PLEKHG4B: variants seen among roughly 807,000 people sequenced by gnomAD.
PLEKHG4B encodes pleckstrin homology and RhoGEF domain containing G4B.
PLEKHG4B carries 111 observed loss-of-function variants against 121.3 expected under a neutral mutation model. The ratio of observed to expected loss-of-function variants is 0.92; its 90% confidence interval spans 0.78 to 1.07. The LOEUF (loss-of-function observed/expected upper bound fraction) is 1.07. Ranked by LOEUF, PLEKHG4B falls within the 50% of genes least tolerant of loss-of-function variation. The pLI is 0.00. For missense variants in PLEKHG4B, 1,831 were observed against 1,757.8 expected (o/e 1.04, Z -0.74); for synonymous variants, 738 against 725.0 (o/e 1.02, Z -0.29).
rs1012036085 is a variant in PLEKHG4B, at chr5:113,967, C to T, written c.243+519C>T. Among the ~76,000 whole-genome samples the T allele has an allele frequency of 2.0e-5, 3 of 152,190 alleles. No homozygotes were observed. The highest frequency in any genetic ancestry group is 7.2e-5 in the African/African-American group (3 of 41,440). The stretch of plus-strand genomic sequence containing the variant: ...AAGTAAGGCAGATACCACGCTAATG[C>T]CAGACACACAAAGTTTTTGGTTTCC... On this transcript the variant is annotated intron_variant, in intron 2 of 19. Coordinates refer to ENST00000637938, the MANE Select transcript of PLEKHG4B (RefSeq NM_052909.5). The surrounding 1 kb of genome is among the most constrained non-coding windows in gnomAD (Gnocchi z 5.2).
At chr5:165,150 TCA>T (rs757531109) in intron 13 of PLEKHG4B, among the ~76,000 whole-genome samples, 1 of 79,784 alleles carries the variant, frequency 1.3e-5, no homozygotes. Flanking sequence ...GGGGCGGAGC[TCA>T]CACTAATGCT....
chr5:181,692 C>T lies in PLEKHG4B; in HGVS notation c.4564+17C>T. 1 of 1,606,734 alleles carries T rather than the reference C, an allele frequency of 6.2e-7. No individual in the cohort carries two copies. Among genetic ancestry groups the T allele is most frequent in the Non-Finnish European group, 8.5e-7 (1 of 1,176,320 alleles). ...AGGGCACAGGTACGGTGGCTCGGTC[C>T]CGCCCTCACTCACCCTGCAGAGGGC... On this transcript the variant is annotated intron_variant, in intron 19 of 19. Transcript: ENST00000637938.
intron 6 of PLEKHG4B, among the ~76,000 whole-genome samples, chr5:148,668 C>T (rs1735507888): frequency 6.6e-6 from 1 of 152,142 alleles, no homozygotes; most frequent in Non-Finnish European, 1.5e-5. Context: ...TGTATAGATT[C>T]AGTGCAATCC....
In PLEKHG4B at chr5:137,977, G is replaced by A. The variant is rs530429392; in HGVS notation, c.244-1506G>A. On this transcript the variant is annotated intron_variant, in intron 2 of 19. Transcript: ENST00000637938. The surrounding 1 kb of genome is among the most constrained non-coding windows in gnomAD (Gnocchi z 4.2). ...GGTGTCAAGGAGCCGCTTCTTGAAC[G>A]GCTTGCTCACCGGTGTGAGGAACAC... Among the ~76,000 whole-genome samples, 1 of 152,346 alleles carries A rather than the reference G, an allele frequency of 6.6e-6. No individual in the cohort carries two copies. Among genetic ancestry groups the A allele is most frequent in the Admixed American group, 6.5e-5 (1 of 15,302 alleles).
chr5:94,849 C>A (rs1308676172), intron 1 of PLEKHG4B, among the ~76,000 whole-genome samples: 1 of 152,144 alleles, frequency 6.6e-6, no homozygotes, highest in Non-Finnish European at 1.5e-5. Context: ...CTCAGCCTCT[C>A]TGAGCTTCAG....
At chr5:108,241 T>C (rs1181787471) in intron 1 of PLEKHG4B, among the ~76,000 whole-genome samples, 1 of 152,216 alleles carries the variant, frequency 6.6e-6, no homozygotes, top group Non-Finnish European at 1.5e-5. Context: ...ATGATGTGGC[T>C]TTTGGTGATT....
At position 171,045 on chromosome 5, in the gene PLEKHG4B, A is replaced by G. The variant is rs1414302753; in HGVS notation, c.3732A>G (p.Glu1244=). The G allele has an allele frequency of 1.9e-6, 3 of 1,610,352 alleles. No homozygotes were observed. The highest frequency in any genetic ancestry group is 2.5e-6 in the Non-Finnish European group (3 of 1,178,518). ...LAVGRSFLRH[E]EQFGMYVIYS... ...AGCAGTCGCCTCTGCTTTTCCAGGA[A>G]GAGCAGTTTGGGATGTACGTGATCT... The change falls in exon 15 of 20, where the codon GAA becomes GAG. Residue 1244 remains glutamate, a splice_region_variant and synonymous_variant. Coordinates refer to ENST00000637938, the MANE Select transcript of PLEKHG4B (RefSeq NM_052909.5).
At chr5:177,569 GAAGA>G (rs1736796603) in intron 18 of PLEKHG4B, among the ~76,000 whole-genome samples, 1 of 152,146 alleles carries the variant, frequency 6.6e-6, no homozygotes. Flanking sequence ...TACCTCCTCC[GAAGA>G]AAGAATTTGA....
At chr5:118,991 C>T (rs1275145083) in intron 2 of PLEKHG4B, among the ~76,000 whole-genome samples, 1 of 152,044 alleles carries the variant, frequency 6.6e-6, no homozygotes, top group East Asian at 1.9e-4. Flanking sequence ...GCTAGGACTA[C>T]AGGCGTGTGC....
intron 1 of PLEKHG4B, among the ~76,000 whole-genome samples, chr5:93,379 G>A (rs1294073921): frequency 7.9e-5 from 12 of 152,006 alleles, no homozygotes; most frequent in Admixed American, 6.6e-4. Flanking sequence ...AAGGAACTTC[G>A]GAGATCTTGA....
chr5:158,048 G>T (rs146023952), intron 11 of PLEKHG4B, among the ~76,000 whole-genome samples: 3 of 152,290 alleles, frequency 2.0e-5, no homozygotes, highest in South Asian at 2.1e-4. Context: ...CCCTGGGGCA[G>T]GAACAGGAAC....
rs1736390594 is a variant in PLEKHG4B at position 167,481 on chromosome 5, C to T, written c.3477-1859C>T. 2.3e-5 allele frequency among the ~76,000 whole-genome samples: 3 copies of T among 131,874 alleles called. 1 individual carries two copies. Among genetic ancestry groups the T allele is most frequent in the East Asian group, 3.9e-4 (2 of 5,180 alleles). The allele number at this position is 131,874 out of a possible 152,430, so 86.5% of individuals were successfully genotyped here. A position where few individuals can be genotyped will look rare whatever the true frequency, so the allele number is the denominator to read the frequency against. ...CAACTCCCATTGGTATCATCAGGATCGAGTTATTTAAGGAGGTTGGGGGTA... is the reference window on the plus strand; with the variant it reads ...CAACTCCCATTGGTATCATCAGGATTGAGTTATTTAAGGAGGTTGGGGGTA... On this transcript the variant is annotated intron_variant, in intron 13 of 19. Transcript: ENST00000637938.
chr5:153,151 C>T (rs1302421292), intron 7 of PLEKHG4B, among the ~76,000 whole-genome samples: 4 of 152,218 alleles, frequency 2.6e-5, no homozygotes, highest in African/African-American at 7.2e-5. Flanking sequence ...ATATTTTCTA[C>T]ATCTCTCCTG....
chr5:103,598 T>G (rs1022520201), intron 1 of PLEKHG4B, among the ~76,000 whole-genome samples: 10 of 152,228 alleles, frequency 6.6e-5, no homozygotes, highest in African/African-American at 1.9e-4. Flanking sequence ...AAAATTGATG[T>G]GTGATAGTTG....
At chr5:143,002 G>A (rs768706776) in intron 3 of PLEKHG4B, 45 bp from the exon 4 acceptor site, 30 of 1,563,826 alleles carry the variant, frequency 1.9e-5, no homozygotes, top group East Asian at 1.1e-4. Flanking sequence ...CTTTCAACGC[G>A]CAGGAAAACC....
intron 1 of PLEKHG4B, among the ~76,000 whole-genome samples, chr5:101,087 T>C (rs372268508): frequency 1.9e-3 from 146 of 77,410 alleles, no homozygotes; most frequent in African/African-American, 3.7e-3. Flanking sequence ...CTGGAAAAAG[T>C]CTGTAGGGGA....
intron 2 of PLEKHG4B, among the ~76,000 whole-genome samples, chr5:136,725 G>C (rs1180994216): frequency 1.3e-5 from 2 of 152,188 alleles, no homozygotes; most frequent in Non-Finnish European, 2.9e-5. Context: ...ACAAGTGCTT[G>C]GAACGATGTG....
chr5:95,258 C>T (rs983656619), intron 1 of PLEKHG4B, among the ~76,000 whole-genome samples: 3 of 152,138 alleles, frequency 2.0e-5, no homozygotes, highest in East Asian at 1.9e-4. Context: ...GCACTGGAGT[C>T]GTTACGTCAG....
rs1733467157 is a variant in PLEKHG4B, at chr5:182,956, C to G, written c.*633C>G. On this transcript the variant is annotated 3_prime_UTR_variant, in exon 20 of 20. Coordinates refer to ENST00000637938, the MANE Select transcript of PLEKHG4B (RefSeq NM_052909.5). ...CCTTTGAAAAGACCAAAGATCAATTCCTGGTACTCATGTGGGCTGGGGACA... is the reference window on the plus strand; with the variant it reads ...CCTTTGAAAAGACCAAAGATCAATTGCTGGTACTCATGTGGGCTGGGGACA... 1 of 154,588 alleles carries G rather than the reference C, an allele frequency of 6.5e-6. No individual in the cohort carries two copies. The highest frequency in any genetic ancestry group is 1.9e-4 in the East Asian group (1 of 5,218). The allele number at this position is 154,588 out of a possible 1,614,324, so 9.6% of individuals were successfully genotyped here.
Sources: gnomAD v4.1 joint callset for allele counts (sites outside exome capture counted in the v4.1 genomes callset) on GRCh38, gnomAD v4.1.1 for gene constraint, Gnocchi (gnomAD v3.1) non-coding constraint, MANE v1.5 for transcripts, NCBI Gene and HGNC (gene_info 2026-07-23, HGNC 2026-07-21) for gene names.